The following NLRP1 variants were observed in gnomAD, a reference collection of about 807,000 sequenced individuals.
NLRP1 encodes NACHT, LRR and PYD domains-containing protein 1.
NLRP1 carries 94 observed loss-of-function variants against 136.7 expected under a neutral mutation model. The observed-to-expected ratio is 0.69, with a 90% CI of 0.58 to 0.82. The LOEUF (loss-of-function observed/expected upper bound fraction) is 0.82, where lower values mean the gene tolerates loss of function less well. Among genes scored for constraint, NLRP1 ranks in the 40% least tolerant of loss-of-function variants. NLRP1 has a pLI of 0.00. For missense variants in NLRP1, 1,575 were observed against 1,802.7 expected (o/e 0.87, Z 2.29); for synonymous variants, 690 against 725.1 (o/e 0.95, Z 0.78).
chr17:5,568,671 G>T (rs1281359523), intron 3 of NLRP1, among the ~76,000 whole-genome samples: 1 of 152,102 alleles, frequency 6.6e-6, no homozygotes, highest in Non-Finnish European at 1.5e-5. Context: ...TCACTGTCCA[G>T]GCTTATTTAT....
intron 4 of NLRP1, among the ~76,000 whole-genome samples, chr17:5,556,161 C>CAT (rs1555547000): frequency 0.019 from 2,274 of 118,384 alleles, 32 homozygotes; most frequent in Non-Finnish European, 0.028. Context: ...CACACACACA[C>CAT]ATGAAGGGCT....
chr17:5,528,888 T>C (rs1909878050), intron 12 of NLRP1, among the ~76,000 whole-genome samples: 1 of 152,214 alleles, frequency 6.6e-6, no homozygotes, highest in Non-Finnish European at 1.5e-5. Flanking sequence ...CTAGCTAAAC[T>C]GTACAAATCA....
At position 5,574,026 on chromosome 17, in the gene NLRP1, T is replaced by C. The variant is rs151121383; in HGVS notation, c.652+7833A>G. 2.0e-3 allele frequency among the ~76,000 whole-genome samples: 300 copies of C among 152,298 alleles called. 2 individuals are homozygous for C. Among genetic ancestry groups the C allele is most frequent in the Non-Finnish European group, 2.6e-3 (180 of 68,034 alleles). ...ACTTCTCCGAGCTAAAGGAGGAAGTTCGAATCCATCACAAAGAAGCTAAAA... is the reference window on the plus strand; with the variant it reads ...ACTTCTCCGAGCTAAAGGAGGAAGTCCGAATCCATCACAAAGAAGCTAAAA... On this transcript the variant is annotated intron_variant, in intron 3 of 16. Transcript: ENST00000572272.
At chr17:5,534,041 TC>T in intron 8 of NLRP1, 53 bp from the exon 9 acceptor site, 1 of 1,235,240 alleles carries the variant, frequency 8.1e-7, no homozygotes, top group Non-Finnish European at 1.2e-6. Context: ...GCGAGGGCTG[TC>T]CACATGACAT....
downstream of NLRP1, among the ~76,000 whole-genome samples, chr17:5,511,872 CTCTTCTT>C (rs2151730143): frequency 2.1e-5 from 1 of 48,026 alleles, no homozygotes; most frequent in Admixed American, 1.7e-4. Flanking sequence ...TTCTTTCTCT[CTCTTCTT>C]TCTTCTTTCT....
At chr17:5,507,501 C>G (rs1907403000) in intron 15 of NLRP1, among the ~76,000 whole-genome samples, 2 of 152,026 alleles carry the variant, frequency 1.3e-5, no homozygotes, top group Non-Finnish European at 2.9e-5. Context: ...TCCAGACGAG[C>G]CTGGGCAACA....
intron 4 of NLRP1, among the ~76,000 whole-genome samples, chr17:5,556,150 ACAC>A (rs1417878197): frequency 9.2e-5 from 13 of 142,062 alleles, no homozygotes; most frequent in African/African-American, 3.5e-4. Flanking sequence ...ACACACACAC[ACAC>A]ACACACACAT....
rs201167590 is a variant in NLRP1 at position 5,514,863 on chromosome 17, C to T, written c.4313G>A (p.Arg1438Gln). ...KLFSLSQSWD[R>Q]KCKDGLYQAL... Reference sequence around the variant, plus strand: ...TTGGTAGAGTCCATCTTTGCACTTCCGGTCCCAGGACTGGCTCAAGCTGAA... The same window carrying T: ...TTGGTAGAGTCCATCTTTGCACTTCTGGTCCCAGGACTGGCTCAAGCTGAA... The change falls in exon 17 of 17, where the codon CGG becomes CAG. Residue 1438 changes from arginine to glutamine, a missense_variant. Transcript: ENST00000572272. 531 of 1,614,146 alleles carry T rather than the reference C, an allele frequency of 3.3e-4. No individual in the cohort carries two copies. The highest frequency in any genetic ancestry group is 1.2e-3 in the African/African-American group (92 of 75,028).
chr17:5,502,291 CT>C (rs35078343), intron 15 of NLRP1: 63,490 of 154,530 alleles, frequency 0.41, 11,936 homozygotes, highest in East Asian at 0.7. Flanking sequence ...GGTGCAGTTC[CT>C]TTTTTTTTTT....
chr17:5,543,846 C>T (rs1912191797), intron 5 of NLRP1, among the ~76,000 whole-genome samples: 1 of 152,050 alleles, frequency 6.6e-6, no homozygotes, highest in Admixed American at 6.6e-5. Context: ...AGAGTAGAAG[C>T]TGCTGTCACT....
intron 3 of NLRP1, among the ~76,000 whole-genome samples, chr17:5,578,390 CA>C (rs1905234037): frequency 6.6e-6 from 1 of 151,466 alleles, no homozygotes; most frequent in African/African-American, 2.4e-5. Context: ...CCAGAATCTA[CA>C]AAGAACTCAA....
intron 12 of NLRP1, among the ~76,000 whole-genome samples, chr17:5,524,232 T>C (rs1909256065): frequency 6.6e-6 from 1 of 152,210 alleles, no homozygotes; most frequent in African/African-American, 2.4e-5. Flanking sequence ...TTACAGTCTT[T>C]CTCTGCGGCA....
Position 5,539,445 on chromosome 17 carries a change from C to CT in NLRP1, c.2839dup (p.Arg947LysfsTer19). On this transcript the variant is annotated frameshift_variant, in exon 7 of 17. Coordinates refer to ENST00000572272, the MANE Select transcript of NLRP1 (RefSeq NM_033004.4). LOFTEE classifies it high-confidence loss of function. Reference sequence around the variant, plus strand: ...GCGTATGAGTTTGCAGGCAGGATGCCTGAGCCCCTCACAGAGCAGTCGCAC... The same window carrying CT: ...GCGTATGAGTTTGCAGGCAGGATGCCTTGAGCCCCTCACAGAGCAGTCGCAC... 1 of 1,613,886 alleles carries CT rather than the reference C, an allele frequency of 6.2e-7. No individual in the cohort carries two copies. Among genetic ancestry groups the CT allele is most frequent in the Admixed American group, 1.7e-5 (1 of 60,012 alleles).
intron 1 of NLRP1, 127 bp from the exon 2 acceptor site, chr17:5,582,973 T>C: frequency 1.4e-6 from 1 of 690,966 alleles, no homozygotes; most frequent in Non-Finnish European, 2.4e-6. Context: ...GCTGCAGCCC[T>C]CTACAACTTC....
intron 5 of NLRP1, among the ~76,000 whole-genome samples, chr17:5,550,342 A>C (rs1913180996): frequency 6.6e-6 from 1 of 152,162 alleles, no homozygotes; most frequent in Non-Finnish European, 1.5e-5. Context: ...TGTTTCATAG[A>C]AAGTTTTTAA....
At chr17:5,526,887 G>A (rs1380623850) in intron 12 of NLRP1, among the ~76,000 whole-genome samples, 2 of 152,250 alleles carry the variant, frequency 1.3e-5, no homozygotes, top group African/African-American at 4.8e-5. Context: ...TCTAGCTATA[G>A]TGGGAGAAAA....
At chr17:5,522,043 T>G (rs1052987112) in intron 12 of NLRP1, among the ~76,000 whole-genome samples, 1 of 152,222 alleles carries the variant, frequency 6.6e-6, no homozygotes, top group Non-Finnish European at 1.5e-5. Flanking sequence ...CAGGTTGGTC[T>G]TGAACTCCTG....
intron 14 of NLRP1, among the ~76,000 whole-genome samples, chr17:5,520,264 A>G (rs1908727837): frequency 6.6e-6 from 1 of 152,208 alleles, no homozygotes; most frequent in African/African-American, 2.4e-5. Flanking sequence ...GAGGCCTGGT[A>G]AGACCCTGCC....
intron 15 of NLRP1, chr17:5,502,950 G>T: frequency 6.6e-6 from 1 of 152,324 alleles, no homozygotes; most frequent in Non-Finnish European, 1.5e-5. Flanking sequence ...AGAATATGAA[G>T]GTTGTAATGG....
Sources: allele counts gnomAD v4.1 joint callset (sites outside exome capture counted in the v4.1 genomes callset), GRCh38; gene constraint gnomAD v4.1.1; transcripts MANE v1.5; gene names NCBI Gene and HGNC (gene_info 2026-07-23, HGNC 2026-07-21).